GNAQ: variants seen among roughly 807,000 people sequenced by gnomAD.
GNAQ encodes the protein G protein subunit alpha q, also known as guanine nucleotide-binding protein G(q) subunit alpha.
A neutral mutation model predicts 43.9 loss-of-function variants in GNAQ; 8 were observed. That is an observed-to-expected ratio of 0.18 (90% CI 0.11 to 0.33). The LOEUF (loss-of-function observed/expected upper bound fraction) is 0.33. Ranked by LOEUF, GNAQ falls within the 10% of genes least tolerant of loss-of-function variation. GNAQ has a pLI of 1.00. For missense variants in GNAQ, 158 were observed against 450.8 expected, an observed-to-expected ratio of 0.35 and a Z score of 5.88; for synonymous variants, 155 against 170.7, an observed-to-expected ratio of 0.91 and a Z score of 0.71.
intron 1 of GNAQ, among the ~76,000 whole-genome samples, chr9:77,940,312 G>A (rs1564158053): frequency 6.6e-6 from 1 of 152,174 alleles, no homozygotes; most frequent in Non-Finnish European, 1.5e-5. Flanking sequence ...GTGCACAGCG[G>A]CTCACACCTG....
intron 5 of GNAQ, among the ~76,000 whole-genome samples, chr9:77,783,942 AAT>A (rs1340151989): frequency 6.6e-6 from 1 of 152,170 alleles, no homozygotes; most frequent in African/African-American, 2.4e-5. Context: ...AATTATCAGA[AAT>A]ATAAAAAATT....
intron 1 of GNAQ, among the ~76,000 whole-genome samples, chr9:77,952,003 C>A (rs1392912223): frequency 6.6e-6 from 1 of 152,214 alleles, no homozygotes; most frequent in African/African-American, 2.4e-5. Context: ...CGTCTAGCTT[C>A]AGCCGAAAGG....
At chr9:77,885,174 G>C (rs1828282349) in intron 2 of GNAQ, among the ~76,000 whole-genome samples, 1 of 152,146 alleles carries the variant, frequency 6.6e-6, no homozygotes, top group African/African-American at 2.4e-5. Context: ...ATGAAGAAAT[G>C]TGCCCAAAGT....
At chr9:77,976,371 T>C (rs1048096754) in intron 1 of GNAQ, among the ~76,000 whole-genome samples, 4 of 151,868 alleles carry the variant, frequency 2.6e-5, no homozygotes, top group Admixed American at 6.6e-5. Context: ...TTTTGTTTTT[T>C]GGTTTTTGGT....
chr9:77,889,410 C>CAAAAAAAAAAAAAAAAAAAA (rs58496646), intron 2 of GNAQ, among the ~76,000 whole-genome samples: 13 of 48,064 alleles, frequency 2.7e-4, no homozygotes, highest in East Asian at 2.2e-3. Context: ...GACCCTGTCT[C>CAAAAAAAAAAAAAAAAAAAA]AAAAAAAAAA....
chr9:77,836,362 C>A (rs968518680), intron 2 of GNAQ, among the ~76,000 whole-genome samples: 1 of 152,172 alleles, frequency 6.6e-6, no homozygotes, highest in Admixed American at 6.6e-5. Flanking sequence ...CTTTCCTTAG[C>A]AGTGAACTTT....
chr9:77,917,722 G>A (rs183761642), intron 2 of GNAQ, among the ~76,000 whole-genome samples: 62 of 152,186 alleles, frequency 4.1e-4, no homozygotes, highest in African/African-American at 1.4e-3. Flanking sequence ...TGTGTTCAGG[G>A]AAAATGCAAA....
chr9:77,744,826 C>CTCCAGGAACT (rs1825705923), intron 5 of GNAQ, among the ~76,000 whole-genome samples: 1 of 152,008 alleles, frequency 6.6e-6, no homozygotes, highest in Non-Finnish European at 1.5e-5. Context: ...TAAATAAAAT[C>CTCCAGGAACT]TCCAGGAACT....
At chr9:77,742,407 C>T (rs985861879) in intron 5 of GNAQ, among the ~76,000 whole-genome samples, 2 of 152,146 alleles carry the variant, frequency 1.3e-5, no homozygotes, top group South Asian at 4.1e-4. Context: ...TGAGAAATGG[C>T]TGTAAAGTGT....
intron 3 of GNAQ, among the ~76,000 whole-genome samples, chr9:77,798,137 A>C (rs1465747931): frequency 1.3e-5 from 2 of 152,176 alleles, no homozygotes; most frequent in African/African-American, 4.8e-5. Flanking sequence ...AGCAGGCTAC[A>C]GTGTCCTAAA....
At chr9:78,012,683 T>C (rs1823788560) in intron 1 of GNAQ, among the ~76,000 whole-genome samples, 1 of 152,164 alleles carries the variant, frequency 6.6e-6, no homozygotes, top group South Asian at 2.1e-4. Flanking sequence ...ACAGAACTAA[T>C]GCTAAATATG....
intron 2 of GNAQ, among the ~76,000 whole-genome samples, chr9:77,879,553 G>A (rs1013591005): frequency 6.6e-6 from 1 of 152,186 alleles, no homozygotes; most frequent in African/African-American, 2.4e-5. Flanking sequence ...CCCAGCCGAT[G>A]CTGGATTTTT....
At chr9:77,811,823 G>T (rs932481017) in intron 3 of GNAQ, among the ~76,000 whole-genome samples, 3 of 152,154 alleles carry the variant, frequency 2.0e-5, no homozygotes, top group South Asian at 2.1e-4. Flanking sequence ...AACATCCCTG[G>T]AGGAGACCTG....
At chr9:77,824,258 T>C (rs1417995165) in intron 2 of GNAQ, among the ~76,000 whole-genome samples, 6 of 152,212 alleles carry the variant, frequency 3.9e-5, no homozygotes, top group Non-Finnish European at 8.8e-5. Flanking sequence ...CTCTTCTTGG[T>C]AGACCTTAAT....
At chr9:77,835,255 G>C (rs1827365114) in intron 2 of GNAQ, among the ~76,000 whole-genome samples, 2 of 151,632 alleles carry the variant, frequency 1.3e-5, no homozygotes, top group African/African-American at 2.4e-5. Flanking sequence ...ATAATGGAGA[G>C]AGAAACCACA....
In GNAQ at chr9:77,718,152, T is replaced by C. The variant is rs1825253026; in HGVS notation, c.*3171A>G. ...GAAAGGTTTCTGTGTTTTATGTTTTTGTTTTTGAATAAGACATGCCCAAGT... is the reference window on the plus strand; with the variant it reads ...GAAAGGTTTCTGTGTTTTATGTTTTCGTTTTTGAATAAGACATGCCCAAGT... On this transcript the variant is annotated 3_prime_UTR_variant, in exon 7 of 7. Transcript: ENST00000286548. 4.3e-6 allele frequency: 1 copy of C among 232,928 alleles called. No individual in the cohort carries two copies. 14.4% of individuals were successfully genotyped at this position (232,928 alleles called of 1,614,324 possible). A position where few individuals can be genotyped will look rare whatever the true frequency, so the allele number is the denominator to read the frequency against.
chr9:77,871,858 G>C (rs904704228), intron 2 of GNAQ, among the ~76,000 whole-genome samples: 2 of 152,136 alleles, frequency 1.3e-5, no homozygotes, highest in Admixed American at 1.3e-4. Context: ...GTAGCACTTG[G>C]ATTTTCATGG....
intron 2 of GNAQ, among the ~76,000 whole-genome samples, chr9:77,892,812 T>C (rs1255106471): frequency 4.6e-5 from 7 of 152,124 alleles, no homozygotes; most frequent in Non-Finnish European, 1.0e-4. Context: ...AACTAGTAAA[T>C]AATACATACT....
At chr9:77,774,782 T>C (rs1192756330) in intron 5 of GNAQ, among the ~76,000 whole-genome samples, 1 of 152,230 alleles carries the variant, frequency 6.6e-6, no homozygotes, top group Non-Finnish European at 1.5e-5. Context: ...TTTATTTTAT[T>C]AGATTTTAAT....
Sources: allele counts gnomAD v4.1 joint callset (sites outside exome capture counted in the v4.1 genomes callset), GRCh38; gene constraint gnomAD v4.1.1; transcripts MANE v1.5; gene names NCBI Gene and HGNC (gene_info 2026-07-23, HGNC 2026-07-21).